The following NELL2 variants were observed in gnomAD, a reference collection of about 807,000 sequenced individuals.
NELL2 encodes the protein neural EGFL like 2.
NELL2 carries 41 observed loss-of-function variants against 109.6 expected under a neutral mutation model. The observed-to-expected ratio is 0.37, with a 90% CI of 0.29 to 0.49. The LOEUF is 0.49. Among genes scored for constraint, NELL2 ranks in the 20% least tolerant of loss-of-function variants. The probability of loss-of-function intolerance (pLI) is 0.98; values close to 1 mark genes in which losing one functional copy is unlikely to be tolerated. For missense variants in NELL2, 900 were observed against 1,008.3 expected (o/e 0.89, Z 1.45); for synonymous variants, 355 against 344.7 (o/e 1.03, Z -0.33).
At chr12:44,516,067 C>T (rs934087095) in intron 19 of NELL2, among the ~76,000 whole-genome samples, 1 of 151,594 alleles carries the variant, frequency 6.6e-6, no homozygotes, top group Non-Finnish European at 1.5e-5. Context: ...ATGTGCACAA[C>T]GTGCATAATA....
rs80096036 is a variant in NELL2 at position 44,546,443 on chromosome 12, C to T, written c.1664-13722G>A. ...CTTTAGCTTGATACAAGTTTTTTAG[C>T]CAGTAAGGAAACATCATATCTCTCC... On this transcript the variant is annotated intron_variant, in intron 15 of 19. Coordinates refer to ENST00000429094, the MANE Select transcript of NELL2 (RefSeq NM_001145108.2). Among the ~76,000 whole-genome samples the T allele has an allele frequency of 6.1e-3, 930 of 152,094 alleles. 8 individuals carry two copies. Among genetic ancestry groups the T allele is most frequent in the African/African-American group, 0.021 (873 of 41,498 alleles).
At chr12:44,619,313 T>C (rs1945955648) in intron 13 of NELL2, among the ~76,000 whole-genome samples, 1 of 152,120 alleles carries the variant, frequency 6.6e-6, no homozygotes, top group Non-Finnish European at 1.5e-5. Context: ...CGCTAAACAG[T>C]AGCGTCCAGA....
In NELL2 at chr12:44,636,464, C is replaced by T. The variant is rs952784486; in HGVS notation, c.1445-25494G>A. 1.2e-4 allele frequency among the ~76,000 whole-genome samples: 19 copies of T among 152,132 alleles called. No individual in the cohort carries two copies. In the East Asian group the frequency reaches 1.9e-3, roughly 15 times the overall value. On this transcript the variant is annotated intron_variant, in intron 13 of 19. Coordinates refer to ENST00000429094, the MANE Select transcript of NELL2 (RefSeq NM_001145108.2). ...TATTTTGAGATATGTTTCATCAATA[C>T]GTGGTTTATTGAGAGTTTTTAGCAT...
At chr12:44,529,548 G>C (rs951225097) in intron 16 of NELL2, among the ~76,000 whole-genome samples, 1 of 152,112 alleles carries the variant, frequency 6.6e-6, no homozygotes, top group African/African-American at 2.4e-5. Context: ...GGATAGAAAA[G>C]ACTGACAAGG....
intron 2 of NELL2, among the ~76,000 whole-genome samples, chr12:44,842,346 A>G (rs961945265): frequency 6.6e-6 from 1 of 152,208 alleles, no homozygotes; most frequent in African/African-American, 2.4e-5. Flanking sequence ...TGGGGAAAGG[A>G]CATTGTTTTC....
Position 44,607,284 on chromosome 12 carries a change from T to C in NELL2, c.1568-20A>G. On this transcript the variant is annotated intron_variant, in intron 14 of 19. Coordinates refer to ENST00000429094, the MANE Select transcript of NELL2 (RefSeq NM_001145108.2). Reference sequence around the variant, plus strand: ...AAAATGCTAAAATAATTCAGATACATGATTTTAGCACTTTAGAAGTAAGTA... The same window carrying C: ...AAAATGCTAAAATAATTCAGATACACGATTTTAGCACTTTAGAAGTAAGTA... The C allele has an allele frequency of 6.2e-7, 1 of 1,602,388 alleles. No individual in the cohort carries two copies. Among genetic ancestry groups the C allele is most frequent in the Non-Finnish European group, 8.5e-7 (1 of 1,171,458 alleles).
intron 9 of NELL2, among the ~76,000 whole-genome samples, chr12:44,718,039 A>G (rs559982136): frequency 2.7e-4 from 41 of 152,360 alleles, no homozygotes; most frequent in African/African-American, 9.9e-4. Context: ...TCAGAAGGGC[A>G]TGAGAGAGCG....
At chr12:44,831,352 T>C (rs1293242568) in intron 2 of NELL2, among the ~76,000 whole-genome samples, 1 of 152,194 alleles carries the variant, frequency 6.6e-6, no homozygotes, top group Non-Finnish European at 1.5e-5. Context: ...CTTCCAGTTT[T>C]CTGCTCACTT....
chr12:44,520,336 G>T, intron 18 of NELL2, 107 bp from the exon 19 acceptor site: 1 of 788,766 alleles, frequency 1.3e-6, no homozygotes, highest in Non-Finnish European at 2.0e-6. Flanking sequence ...TCAATTATTT[G>T]ATTGATATTT....
intron 15 of NELL2, among the ~76,000 whole-genome samples, chr12:44,551,645 C>T (rs1013398941): frequency 6.6e-6 from 1 of 152,100 alleles, no homozygotes; most frequent in African/African-American, 2.4e-5. Flanking sequence ...AACTGGAAAA[C>T]TCATAGAATT....
chr12:44,750,887 T>G (rs1359820803), intron 9 of NELL2, among the ~76,000 whole-genome samples: 1 of 152,024 alleles, frequency 6.6e-6, no homozygotes, highest in Non-Finnish European at 1.5e-5. Flanking sequence ...CAAAAGAAAA[T>G]TATAGCAAGA....
intron 15 of NELL2, among the ~76,000 whole-genome samples, chr12:44,591,687 C>T (rs896381915): frequency 6.6e-6 from 1 of 152,032 alleles, no homozygotes; most frequent in African/African-American, 2.4e-5. Context: ...TAAGTTCTAG[C>T]TTTTTATAGC....
chr12:44,594,469 A>G (rs971219269), intron 15 of NELL2, among the ~76,000 whole-genome samples: 22 of 152,274 alleles, frequency 1.4e-4, no homozygotes, highest in African/African-American at 5.3e-4. Flanking sequence ...TTGCCATAAA[A>G]CTTTTGATTC....
chr12:44,608,752 C>T (rs1198084693), intron 14 of NELL2, among the ~76,000 whole-genome samples: 2 of 151,752 alleles, frequency 1.3e-5, no homozygotes, highest in Non-Finnish European at 2.9e-5. Flanking sequence ...TAAGCCTAAG[C>T]AAACTCTCAG....
chr12:44,694,605 T>A (rs1383148506), intron 12 of NELL2, among the ~76,000 whole-genome samples: 1 of 122,026 alleles, frequency 8.2e-6, no homozygotes, highest in Admixed American at 8.5e-5. Flanking sequence ...ATCCTTAGAC[T>A]TTTTTTTTTT....
chr12:44,814,221 C>T (rs899191218), intron 3 of NELL2, among the ~76,000 whole-genome samples: 1 of 152,102 alleles, frequency 6.6e-6, no homozygotes, highest in Non-Finnish European at 1.5e-5. Context: ...CAGTGGCCAT[C>T]ATCTATGTAA....
Position 44,727,413 on chromosome 12 carries a change from T to A in NELL2, c.995-12672A>T, listed in dbSNP as rs187596801. On this transcript the variant is annotated intron_variant, in intron 9 of 19. Coordinates refer to ENST00000429094, the MANE Select transcript of NELL2 (RefSeq NM_001145108.2). ...AGTAATGCACAGGTTGCTATAAGAA[T>A]CAGACCAAAATTATTCCAGATGCTT... Among the ~76,000 whole-genome samples, 673 of 152,130 alleles carry A rather than the reference T, an allele frequency of 4.4e-3. 1 individual carries two copies. The highest frequency in any genetic ancestry group is 6.3e-3 in the Non-Finnish European group (430 of 67,928).
At chr12:44,662,250 T>G (rs1306617760) in intron 13 of NELL2, among the ~76,000 whole-genome samples, 1 of 152,158 alleles carries the variant, frequency 6.6e-6, no homozygotes, top group Admixed American at 6.5e-5. Context: ...GGGTAAAAAT[T>G]TCTCTTGGAA....
intron 3 of NELL2, among the ~76,000 whole-genome samples, chr12:44,796,300 T>C (rs1259861902): frequency 2.0e-5 from 3 of 152,124 alleles, no homozygotes; most frequent in Non-Finnish European, 4.4e-5. Flanking sequence ...ATGAATTTCA[T>C]GGACAGAAAG....
Sources: gnomAD v4.1 joint callset for allele counts (sites outside exome capture counted in the v4.1 genomes callset) on GRCh38, gnomAD v4.1.1 for gene constraint, MANE v1.5 for transcripts, NCBI Gene and HGNC (gene_info 2026-07-23, HGNC 2026-07-21) for gene names.